The following BIN2 variants were observed in gnomAD, a reference collection of about 807,000 sequenced individuals.
BIN2 encodes breast cancer associated protein BRAP1.
BIN2 carries 43 observed loss-of-function variants against 67.9 expected under a neutral mutation model. That is an observed-to-expected ratio of 0.63 (90% CI 0.50 to 0.82). BIN2 has a LOEUF of 0.82. Among genes scored for constraint, BIN2 ranks in the 40% least tolerant of loss-of-function variants. The pLI, the probability that BIN2 is intolerant of heterozygous loss-of-function variation, is 0.00. For missense variants in BIN2, 581 were observed against 671.6 expected, an observed-to-expected ratio of 0.87 and a Z score of 1.49; for synonymous variants, 244 against 246.8, an observed-to-expected ratio of 0.99 and a Z score of 0.11.
intron 1 of BIN2, among the ~76,000 whole-genome samples, chr12:51,315,032 T>C (rs1340934967): frequency 6.6e-6 from 1 of 151,870 alleles, no homozygotes; most frequent in South Asian, 2.1e-4. Context: ...TTTTAAAAAT[T>C]TTCTGTAGAG....
intron 11 of BIN2, among the ~76,000 whole-genome samples, chr12:51,286,719 G>A (rs997432644): frequency 2.0e-5 from 3 of 152,114 alleles, no homozygotes; most frequent in Admixed American, 6.6e-5. Context: ...TCAAAACCCC[G>A]CATCTATCCT....
Position 51,299,738 on chromosome 12 carries a change from G to A in BIN2, c.409-24C>T, listed in dbSNP as rs768014177. 1.1e-5 allele frequency: 17 copies of A among 1,600,436 alleles called. No individual in the cohort carries two copies. The Middle Eastern group carries it at 9.9e-4, about 94-fold the overall frequency. ...TCCTGACCCAGGGTAATGAGAAAGGGTGTGGATACTCACTTTTTAGTGGCC... is the reference window on the plus strand; with the variant it reads ...TCCTGACCCAGGGTAATGAGAAAGGATGTGGATACTCACTTTTTAGTGGCC... On this transcript the variant is annotated intron_variant, in intron 5 of 12. Coordinates refer to ENST00000615107, the MANE Select transcript of BIN2 (RefSeq NM_016293.4).
intron 9 of BIN2, 118 bp from the exon 10 acceptor site, chr12:51,292,462 T>A: frequency 8.4e-7 from 1 of 1,197,304 alleles, no homozygotes; most frequent in Non-Finnish European, 1.1e-6. Flanking sequence ...TGTTAGAAAG[T>A]TTGCATAATT....
At chr12:51,318,982 G>A (rs1289556116) in intron 1 of BIN2, among the ~76,000 whole-genome samples, 2 of 152,158 alleles carry the variant, frequency 1.3e-5, no homozygotes, top group African/African-American at 4.8e-5. Context: ...AGCCCTGGAT[G>A]TGCAGTCTGC....
chr12:51,288,723 A>G (rs1945307589), intron 10 of BIN2, among the ~76,000 whole-genome samples: 1 of 149,962 alleles, frequency 6.7e-6, no homozygotes, highest in South Asian at 2.1e-4. Context: ...TCTACAATGT[A>G]CCTGACTGGA....
rs564147412 is a variant in BIN2 at position 51,302,778 on chromosome 12, T to C, written c.220A>G (p.Met74Val). 2.5e-6 allele frequency: 4 copies of C among 1,612,104 alleles called. No homozygotes were observed. In the East Asian group the frequency reaches 8.9e-5, roughly 36 times the overall value. ...LKNFLSAVKV[M>V]HESSKRVSET... The stretch of plus-strand genomic sequence containing the variant: ...GACACTCTTTTTGAACTTTCATGCA[T>C]CACTGAAAGGAGAGAATTCAGTCCC... The change falls in exon 4 of 13, where the codon ATG becomes GTG. Residue 74 changes from methionine to valine, a missense_variant and splice_region_variant. Coordinates refer to ENST00000615107, the MANE Select transcript of BIN2 (RefSeq NM_016293.4).
At chr12:51,287,943 G>A (rs768830944) in intron 11 of BIN2, among the ~76,000 whole-genome samples, 165 bp downstream of exon 11, 6 of 152,130 alleles carry the variant, frequency 3.9e-5, no homozygotes, top group Admixed American at 1.3e-4. Flanking sequence ...GAGCCACCGC[G>A]CCCGGCCAGG....
intron 11 of BIN2, among the ~76,000 whole-genome samples, chr12:51,286,850 GT>G (rs1945247659): frequency 6.6e-6 from 1 of 152,012 alleles, no homozygotes; most frequent in Non-Finnish European, 1.5e-5. Context: ...TTGAGATGGG[GT>G]CTCACTCTGT....
Position 51,302,749 on chromosome 12 carries a change from T to C in BIN2, c.249A>G (p.Glu83=). 1 of 1,614,108 alleles carries C rather than the reference T, an allele frequency of 6.2e-7. No homozygotes were observed. The highest frequency in any genetic ancestry group is 8.5e-7 in the Non-Finnish European group (1 of 1,179,970). ...CGCTGCTGTAGATCTCCTGCAGGGT[T>C]TCTGACACTCTTTTTGAACTTTCAT... ...VMHESSKRVS[E]TLQEIYSSEW... Residue 83 remains glutamate (E), a synonymous_variant, in exon 4 of 13, where the codon GAA becomes GAG. Coordinates refer to ENST00000615107, the MANE Select transcript of BIN2 (RefSeq NM_016293.4).
In BIN2 at chr12:51,305,605, C is replaced by G. The variant is rs188070742; in HGVS notation, c.163-2464G>C. On this transcript the variant is annotated intron_variant, in intron 2 of 12. Transcript: ENST00000615107. Reference sequence around the variant, plus strand: ...CACCACTGTACTCCACCCTGGGCAACAGAATGAAACTCCATCTCAAAAAAA... The same window carrying G: ...CACCACTGTACTCCACCCTGGGCAAGAGAATGAAACTCCATCTCAAAAAAA... 1.3e-3 allele frequency among the ~76,000 whole-genome samples: 185 copies of G among 140,178 alleles called. 1 individual carries two copies. The highest frequency in any genetic ancestry group is 4.7e-3 in the African/African-American group (177 of 37,734). 92.0% of individuals were successfully genotyped at this position (140,178 alleles called of 152,430 possible). A position where few individuals can be genotyped will look rare whatever the true frequency, so the allele number is the denominator to read the frequency against.
At chr12:51,307,478 G>A (rs1183312115) in intron 2 of BIN2, among the ~76,000 whole-genome samples, 2 of 151,594 alleles carry the variant, frequency 1.3e-5, no homozygotes, top group African/African-American at 4.9e-5. Context: ...GGAGGCCGAG[G>A]CAGGTAGATC....
At chr12:51,322,951 C>G (rs1946324610) in intron 1 of BIN2, 1 of 152,174 alleles carries the variant, frequency 6.6e-6, no homozygotes, top group Non-Finnish European at 1.5e-5. Flanking sequence ...TAAGCCTTCC[C>G]AGGGCTCAAA....
chr12:51,321,926 T>A (rs1946293970), intron 1 of BIN2, among the ~76,000 whole-genome samples: 1 of 152,238 alleles, frequency 6.6e-6, no homozygotes, highest in African/African-American at 2.4e-5. Flanking sequence ...GGCTTCAGGC[T>A]GACGGAGCTG....
chr12:51,295,159 G>A (rs1945502873), intron 9 of BIN2, among the ~76,000 whole-genome samples: 1 of 151,614 alleles, frequency 6.6e-6, no homozygotes, highest in Non-Finnish European at 1.5e-5. Flanking sequence ...TGCCCAGACT[G>A]GTTTCAAACT....
chr12:51,295,185 T>C (rs147450499), intron 9 of BIN2, among the ~76,000 whole-genome samples: 1 of 152,134 alleles, frequency 6.6e-6, no homozygotes, highest in African/African-American at 2.4e-5. Flanking sequence ...TCTCAAGTAA[T>C]TCTCCTGCCT....
intron 6 of BIN2, 128 bp downstream of exon 6, chr12:51,299,479 T>A (rs188566587): frequency 1.4e-5 from 14 of 1,034,912 alleles, no homozygotes; most frequent in African/African-American, 1.1e-4. Flanking sequence ...AGAAACAGAT[T>A]TCCTTTAGGA....
intron 12 of BIN2, among the ~76,000 whole-genome samples, chr12:51,282,390 G>A (rs936078743): frequency 4.5e-4 from 69 of 152,212 alleles, no homozygotes; most frequent in African/African-American, 1.3e-3. Flanking sequence ...TGATGTGGCA[G>A]CTATTGTTAA....
At chr12:51,314,669 C>A (rs1252196692) in intron 1 of BIN2, among the ~76,000 whole-genome samples, 1 of 151,848 alleles carries the variant, frequency 6.6e-6, no homozygotes, top group East Asian at 2.0e-4. Context: ...CATGGTGGTG[C>A]ATGCCTGTAA....
chr12:51,308,487 A>C (rs549994305), intron 2 of BIN2, among the ~76,000 whole-genome samples: 1 of 152,256 alleles, frequency 6.6e-6, no homozygotes, highest in Non-Finnish European at 1.5e-5. Context: ...GTCTTAAGAG[A>C]CTGGGGTACT....
Sources: allele counts gnomAD v4.1 joint callset (sites outside exome capture counted in the v4.1 genomes callset), GRCh38; gene constraint gnomAD v4.1.1; transcripts MANE v1.5; gene names NCBI Gene and HGNC (gene_info 2026-07-23, HGNC 2026-07-21).